RALGAPA2: variants seen among roughly 807,000 people sequenced by gnomAD.
RALGAPA2 encodes the protein Ral GTPase activating protein catalytic subunit alpha 2, also known as ral GTPase-activating protein subunit alpha-2.
A neutral mutation model predicts 230.4 loss-of-function variants in RALGAPA2; 139 were observed. That is an observed-to-expected ratio of 0.60 (90% confidence interval 0.53 to 0.69). The LOEUF (loss-of-function observed/expected upper bound fraction) is 0.69. Among genes scored for constraint, RALGAPA2 ranks in the 30% least tolerant of loss-of-function variants. The pLI is 0.00. For synonymous variants in RALGAPA2, 847 were observed against 837.8 expected (o/e 1.01, Z -0.19); for missense variants, 2,163 against 2,276.0 (o/e 0.95, Z 1.01).
chr20:20,617,990 T>C (rs1048721012), intron 12 of RALGAPA2, among the ~76,000 whole-genome samples: 1 of 152,184 alleles, frequency 6.6e-6, no homozygotes, highest in African/African-American at 2.4e-5. Flanking sequence ...ATCAATAGGT[T>C]GTTGGAAATG....
At chr20:20,397,419 T>C (rs896416910) in intron 38 of RALGAPA2, among the ~76,000 whole-genome samples, 1 of 152,242 alleles carries the variant, frequency 6.6e-6, no homozygotes, top group African/African-American at 2.4e-5. Flanking sequence ...AGCTTTTCTA[T>C]GCCTTGTGAC....
rs2059637959 is a variant in RALGAPA2 at position 20,393,388 on chromosome 20, TA to T, written c.*36-136del. 1.4e-5 allele frequency: 7 copies of T among 515,404 alleles called. No individual in the cohort carries two copies. The Admixed American group carries it at 3.0e-4, about 22-fold the overall frequency. 31.9% of individuals were successfully genotyped at this position (515,404 alleles called of 1,614,324 possible). On this transcript the variant is annotated intron_variant, in intron 39 of 39. Coordinates refer to ENST00000202677, the MANE Select transcript of RALGAPA2 (RefSeq NM_020343.4). ...AGGGTCTGGTGACCTCCTCCCACGC[TA>T]TGCCGGCAAAGATGTTTGTTGAATG...
At chr20:20,629,701 C>T in intron 9 of RALGAPA2, 111 bp from the exon 10 acceptor site, 1 of 1,111,540 alleles carries the variant, frequency 9.0e-7, no homozygotes, top group Non-Finnish European at 1.3e-6. Context: ...TCAATGTGCA[C>T]AGGGTACAGC....
rs1244515960 is a variant in RALGAPA2, at chr20:20,589,882, G to GA, written c.2342-518dup. On this transcript the variant is annotated intron_variant, in intron 17 of 39. Coordinates refer to ENST00000202677, the MANE Select transcript of RALGAPA2 (RefSeq NM_020343.4). The stretch of plus-strand genomic sequence containing the variant: ...TGAATAATCTGGGGGCAATAAATTT[G>GA]AAAAAAAAAAAAAATTTTTTTCTAC... Among the ~76,000 whole-genome samples the GA allele has an allele frequency of 2.9e-3, 350 of 122,784 alleles. 2 individuals are homozygous for GA. Among genetic ancestry groups the GA allele is most frequent in the South Asian group, 7.1e-3 (28 of 3,968 alleles). The allele number at this position is 122,784 out of a possible 152,430, so 80.6% of individuals were successfully genotyped here. A position where few individuals can be genotyped will look rare whatever the true frequency, so the allele number is the denominator to read the frequency against.
intron 3 of RALGAPA2, among the ~76,000 whole-genome samples, chr20:20,660,208 A>G (rs1204972523): frequency 6.6e-6 from 1 of 152,044 alleles, no homozygotes; most frequent in Admixed American, 6.5e-5. Flanking sequence ...AGCCTGGGCA[A>G]CAGAGCAAGA....
rs1569455928 is a variant in RALGAPA2, at chr20:20,513,268, ACTTCTTCT to A, written c.4093_4100del (p.Arg1365PhefsTer40). On this transcript the variant is annotated frameshift_variant, in exon 32 of 40. Coordinates refer to ENST00000202677, the MANE Select transcript of RALGAPA2 (RefSeq NM_020343.4). LOFTEE classifies it high-confidence loss of function. The stretch of plus-strand genomic sequence containing the variant: ...GAGCAGTCAAAGGGATCAACTCCAA[ACTTCTTCT>A]CTTCTTCTCTGTAAACAGCGGTAAA... 6.8e-7 allele frequency: 1 copy of A among 1,463,744 alleles called. No individual in the cohort carries two copies. Among genetic ancestry groups the A allele is most frequent in the East Asian group, 2.4e-5 (1 of 41,906 alleles). 90.7% of individuals were successfully genotyped at this position (1,463,744 alleles called of 1,614,324 possible).
chr20:20,621,232 A>C (rs1490923356), intron 10 of RALGAPA2, among the ~76,000 whole-genome samples: 1 of 152,214 alleles, frequency 6.6e-6, no homozygotes, highest in African/African-American at 2.4e-5. Flanking sequence ...TATCTATAGA[A>C]ATATTTTAAT....
chr20:20,567,766 G>A (rs1181386143), intron 23 of RALGAPA2, among the ~76,000 whole-genome samples: 2 of 151,430 alleles, frequency 1.3e-5, no homozygotes, highest in African/African-American at 4.9e-5. Flanking sequence ...GCCAAGACGG[G>A]AGGACTGCTT....
At chr20:20,688,073 G>A (rs931066905) in intron 1 of RALGAPA2, among the ~76,000 whole-genome samples, 3 of 152,116 alleles carry the variant, frequency 2.0e-5, no homozygotes, top group Non-Finnish European at 2.9e-5. Flanking sequence ...GATTCAGCAG[G>A]CAATCAGATC....
chr20:20,546,078 A>T (rs1359545156), intron 24 of RALGAPA2, among the ~76,000 whole-genome samples: 1 of 152,186 alleles, frequency 6.6e-6, no homozygotes, highest in Non-Finnish European at 1.5e-5. Flanking sequence ...ATCTCTTGAA[A>T]AACAACAACA....
rs1255997339 is a variant in RALGAPA2 at position 20,572,948 on chromosome 20, T to C, written c.2828A>G (p.Asn943Ser). Residue 943 changes from asparagine (N) to serine (S), a missense_variant, in exon 21 of 40, where the codon AAT becomes AGT. By Grantham distance (46) the Asn-to-Ser change is conservative. Coordinates refer to ENST00000202677, the MANE Select transcript of RALGAPA2 (RefSeq NM_020343.4). ...RRVLGILGDVNNIQSPKIHAR... is the reference protein window; with the variant it reads ...RRVLGILGDVSNIQSPKIHAR... Reference sequence around the variant, plus strand: ...ATGGATCTTGGGTGACTGGATGTTATTCACATCTCCGAGGATCCCCAAGAC... The same window carrying C: ...ATGGATCTTGGGTGACTGGATGTTACTCACATCTCCGAGGATCCCCAAGAC... 2 of 1,586,492 alleles carry C rather than the reference T, an allele frequency of 1.3e-6. No individual in the cohort carries two copies. The highest frequency in any genetic ancestry group is 1.8e-5 in the Admixed American group (1 of 56,120).
chr20:20,402,652 A>G (rs2059869989), intron 38 of RALGAPA2, among the ~76,000 whole-genome samples: 1 of 152,214 alleles, frequency 6.6e-6, no homozygotes, highest in African/African-American at 2.4e-5. Context: ...TATAAGCATA[A>G]CATCTGTTCA....
At chr20:20,416,778 A>G (rs888218184) in intron 37 of RALGAPA2, among the ~76,000 whole-genome samples, 2 of 152,218 alleles carry the variant, frequency 1.3e-5, no homozygotes, top group African/African-American at 4.8e-5. Context: ...AAAGAAATAA[A>G]GAGAACTGTC....
intron 13 of RALGAPA2, among the ~76,000 whole-genome samples, chr20:20,615,207 C>T (rs919698330): frequency 1.3e-5 from 2 of 151,352 alleles, no homozygotes; most frequent in South Asian, 2.1e-4. Context: ...ACTCTGTCGC[C>T]CAGGCTGGAG....
At position 20,679,683 on chromosome 20, in the gene RALGAPA2, G is replaced by A. The variant is rs566780845; in HGVS notation, c.217+1008C>T. ...ACCTTTACTCATGTTCTCCCCTCCA[G>A]CAGCAGTGCCGCTCTCTTCCACCTG... On this transcript the variant is annotated intron_variant, in intron 2 of 39. Coordinates refer to ENST00000202677, the MANE Select transcript of RALGAPA2 (RefSeq NM_020343.4). 3.9e-5 allele frequency among the ~76,000 whole-genome samples: 6 copies of A among 152,028 alleles called. No homozygotes were observed. The South Asian group carries it at 1.2e-3, about 32-fold the overall frequency.
At chr20:20,595,529 TGC>T (rs2065425226) in intron 16 of RALGAPA2, among the ~76,000 whole-genome samples, 4 of 152,220 alleles carry the variant, frequency 2.6e-5, no homozygotes, top group African/African-American at 7.2e-5. Flanking sequence ...CATTCCAATA[TGC>T]TTTTTTAGAA....
At chr20:20,639,274 T>G (rs1280731025) in intron 7 of RALGAPA2, among the ~76,000 whole-genome samples, 1 of 152,232 alleles carries the variant, frequency 6.6e-6, no homozygotes, top group East Asian at 1.9e-4. Flanking sequence ...AATCAGTACA[T>G]TTTATTCTAA....
At chr20:20,672,739 T>C (rs566115269) in intron 3 of RALGAPA2, among the ~76,000 whole-genome samples, 11 of 152,286 alleles carry the variant, frequency 7.2e-5, no homozygotes, top group Admixed American at 2.6e-4. Flanking sequence ...CAGAAACTTA[T>C]CAATATTTGA....
chr20:20,663,470 G>T (rs1026183967), intron 3 of RALGAPA2, among the ~76,000 whole-genome samples: 2 of 151,976 alleles, frequency 1.3e-5, no homozygotes, highest in Non-Finnish European at 2.9e-5. Context: ...TCAGCATATA[G>T]TTTTTTTCTT....
Sources: gnomAD v4.1 joint callset for allele counts (sites outside exome capture counted in the v4.1 genomes callset) on GRCh38, gnomAD v4.1.1 for gene constraint, MANE v1.5 for transcripts, NCBI Gene and HGNC (gene_info 2026-07-23, HGNC 2026-07-21) for gene names.